The following CAP2 variants were observed in gnomAD, a reference collection of about 807,000 sequenced individuals.
CAP2 encodes the protein adenylyl cyclase-associated protein 2.
In CAP2, 24 loss-of-function variants were observed where a neutral mutation model predicts 57.7. That is an observed-to-expected ratio of 0.42 (90% confidence interval 0.30 to 0.58). CAP2 has a LOEUF of 0.58. Among genes scored for constraint, CAP2 ranks in the 20% least tolerant of loss-of-function variants. CAP2 has a pLI of 0.22. For synonymous variants in CAP2, 194 were observed against 207.2 expected, an observed-to-expected ratio of 0.94 and a Z score of 0.55; for missense variants, 501 against 590.3, an observed-to-expected ratio of 0.85 and a Z score of 1.57.
chr6:17,422,436 G>A (rs977795726), intron 2 of CAP2, among the ~76,000 whole-genome samples: 1 of 141,552 alleles, frequency 7.1e-6, no homozygotes, highest in East Asian at 2.1e-4. Context: ...TACAACCTCT[G>A]CTTCCCAGAT....
At chr6:17,438,834 C>T (rs540378797) in intron 3 of CAP2, among the ~76,000 whole-genome samples, 3 of 147,706 alleles carry the variant, frequency 2.0e-5, no homozygotes, top group South Asian at 2.2e-4. Context: ...CTTTTTCTGC[C>T]GGGCGCGGTG....
intron 1 of CAP2, among the ~76,000 whole-genome samples, chr6:17,403,619 A>T (rs761610052): frequency 6.9e-4 from 105 of 152,248 alleles, no homozygotes; most frequent in African/African-American, 2.4e-3. Flanking sequence ...TGTTTTGACC[A>T]TTGAATTAGA....
intron 4 of CAP2, among the ~76,000 whole-genome samples, chr6:17,499,050 CTA>C (rs1406764458): frequency 6.6e-6 from 1 of 151,044 alleles, no homozygotes; most frequent in Non-Finnish European, 1.5e-5. Flanking sequence ...AAAACAAAAA[CTA>C]TTACTGAAAA....
intron 7 of CAP2, chr6:17,531,321 T>G (rs1482818612): frequency 1.7e-6 from 2 of 1,155,852 alleles, no homozygotes; most frequent in African/African-American, 1.5e-5. Flanking sequence ...TGCAACACCT[T>G]TCAGACCTTT....
At chr6:17,522,148 G>A (rs768999593) in intron 7 of CAP2, among the ~76,000 whole-genome samples, 1 of 151,822 alleles carries the variant, frequency 6.6e-6, no homozygotes, top group African/African-American at 2.4e-5. Flanking sequence ...GAAATCTCAG[G>A]CTCTCAGGCC....
chr6:17,418,708 C>T (rs1218921771), intron 1 of CAP2, among the ~76,000 whole-genome samples: 1 of 151,786 alleles, frequency 6.6e-6, no homozygotes, highest in Non-Finnish European at 1.5e-5. Flanking sequence ...ATGGTGGTAA[C>T]ATTTGGCAAG....
rs548049623 is a variant in CAP2, at chr6:17,532,936, A to G, written c.637-6333A>G. ...AAAAATTAGCTGGGCGTGGTGGTGCACTCCTGTAATCCCAGCTACTCGGGA... is the reference window on the plus strand; with the variant it reads ...AAAAATTAGCTGGGCGTGGTGGTGCGCTCCTGTAATCCCAGCTACTCGGGA... On this transcript the variant is annotated intron_variant, in intron 7 of 12. Coordinates refer to ENST00000229922, the MANE Select transcript of CAP2 (RefSeq NM_006366.3). Among the ~76,000 whole-genome samples the G allele has an allele frequency of 6.3e-5, 9 of 142,200 alleles. No homozygotes were observed. In the East Asian group the frequency reaches 2.0e-3, roughly 32 times the overall value. The allele number at this position is 142,200 out of a possible 152,430, so 93.3% of individuals were successfully genotyped here.
intron 12 of CAP2, 152 bp downstream of exon 12, chr6:17,551,756 T>C: frequency 1.7e-6 from 1 of 598,442 alleles, no homozygotes; most frequent in Admixed American, 2.9e-5. Context: ...CTTCCACATC[T>C]CTTCCCGCCT....
At chr6:17,507,122 GTCTGC>G in intron 4 of CAP2, 42 bp from the exon 5 acceptor site, 1 of 1,609,574 alleles carries the variant, frequency 6.2e-7, no homozygotes. Context: ...GGTGCTATGC[GTCTGC>G]TCTGTCTGTA....
chr6:17,399,337 A>G (rs1758751115), intron 1 of CAP2, among the ~76,000 whole-genome samples: 1 of 152,210 alleles, frequency 6.6e-6, no homozygotes, highest in Non-Finnish European at 1.5e-5. Context: ...TGCTGGGATT[A>G]TAGGGATGAG....
intron 4 of CAP2, among the ~76,000 whole-genome samples, chr6:17,469,817 A>G (rs1760971966): frequency 6.6e-6 from 1 of 152,224 alleles, no homozygotes; most frequent in Non-Finnish European, 1.5e-5. Flanking sequence ...GTGAATGCAC[A>G]TGCCCAGCAC....
chr6:17,478,279 C>T (rs983361760), intron 4 of CAP2, among the ~76,000 whole-genome samples: 1 of 148,606 alleles, frequency 6.7e-6, no homozygotes, highest in African/African-American at 2.5e-5. Context: ...GGACCACAGA[C>T]GTGCACCACT....
At chr6:17,519,473 C>T (rs1762344631) in intron 7 of CAP2, among the ~76,000 whole-genome samples, 2 of 152,142 alleles carry the variant, frequency 1.3e-5, no homozygotes, top group South Asian at 2.1e-4. Flanking sequence ...CTTATTAAGA[C>T]AGCTGTCAAC....
chr6:17,461,731 A>G (rs940936800), intron 3 of CAP2, among the ~76,000 whole-genome samples: 14 of 150,762 alleles, frequency 9.3e-5, no homozygotes, highest in Non-Finnish European at 1.8e-4. Context: ...GGTGGCTCAC[A>G]CCTGTGATCC....
intron 4 of CAP2, among the ~76,000 whole-genome samples, chr6:17,463,660 G>A (rs925665141): frequency 6.6e-6 from 1 of 152,124 alleles, no homozygotes; most frequent in South Asian, 2.1e-4. Flanking sequence ...ATCAGGCCTG[G>A]ATTGTGTCCC....
At chr6:17,509,376 T>C (rs980675630) in intron 6 of CAP2, among the ~76,000 whole-genome samples, 2 of 151,988 alleles carry the variant, frequency 1.3e-5, no homozygotes, top group African/African-American at 2.4e-5. Flanking sequence ...TGTAACAATA[T>C]TTTTTTACTA....
chr6:17,397,720 A>G lies in CAP2; in HGVS notation c.-2+3974A>G, dbSNP rs183921082. On this transcript the variant is annotated intron_variant, in intron 1 of 12. Transcript: ENST00000229922. ...AAAAAAAAAAAAAAAAAAAAAAAGA[A>G]TTACCCACGTTGTTGCATGTAGGTA... is the stretch of plus-strand genomic sequence containing the variant. Among the ~76,000 whole-genome samples, 84 of 150,634 alleles carry G rather than the reference A, an allele frequency of 5.6e-4. 2 individuals carry two copies. The East Asian group carries it at 0.015, about 27-fold the overall frequency.
At chr6:17,464,728 G>A (rs1274303866) in intron 4 of CAP2, among the ~76,000 whole-genome samples, 4 of 152,198 alleles carry the variant, frequency 2.6e-5, no homozygotes, top group African/African-American at 4.8e-5. Context: ...AGGCTCTGTA[G>A]AGATGAAAAT....
Position 17,513,771 on chromosome 6 carries a change from C to A in CAP2, c.531-78C>A. The stretch of plus-strand genomic sequence containing the variant: ...TCCAGGGCCCCTAGTCACTAGATAA[C>A]CATGTGCCCCCACAATTTTTTTAAA... On this transcript the variant is annotated intron_variant, in intron 6 of 12. Transcript: ENST00000229922. The surrounding 1 kb of genome is among the most constrained non-coding windows in gnomAD (Gnocchi z 4.3). 2 of 947,558 alleles carry A rather than the reference C, an allele frequency of 2.1e-6. No individual in the cohort carries two copies. The highest frequency in any genetic ancestry group is 2.8e-5 in the South Asian group (2 of 72,112). The allele number at this position is 947,558 out of a possible 1,614,324, so 58.7% of individuals were successfully genotyped here.
Sources: gnomAD v4.1 joint callset for allele counts (sites outside exome capture counted in the v4.1 genomes callset) on GRCh38, gnomAD v4.1.1 for gene constraint, Gnocchi (gnomAD v3.1) non-coding constraint, MANE v1.5 for transcripts, NCBI Gene and HGNC (gene_info 2026-07-23, HGNC 2026-07-21) for gene names.